DYSF: variants seen among roughly 807,000 people sequenced by gnomAD.
The protein encoded by DYSF is dysferlin.
Under a neutral mutation model 274.9 loss-of-function variants are expected in DYSF, and 212 were observed. The ratio of observed to expected loss-of-function variants is 0.77; its 90% CI spans 0.69 to 0.86. The LOEUF (loss-of-function observed/expected upper bound fraction) is 0.86. DYSF is among the 40% of genes least tolerant of loss of function. The pLI is 0.00. For missense variants in DYSF, 2,666 were observed against 2,783.2 expected (o/e 0.96, Z 0.95); for synonymous variants, 1,091 against 1,078.7 (o/e 1.01, Z -0.22).
intron 40 of DYSF, among the ~76,000 whole-genome samples, chr2:71,618,187 AGT>A (rs1558637977): frequency 1.9e-3 from 9 of 4,716 alleles, no homozygotes; most frequent in African/African-American, 6.7e-3. Flanking sequence ...GTGGGGTATA[AGT>A]GTGTGTGGTA....
rs886042389 is a variant in DYSF, at chr2:71,526,334, G to A, written c.1264G>A (p.Asp422Asn). 17 of 1,583,140 alleles carry A rather than the reference G, an allele frequency of 1.1e-5. No individual in the cohort carries two copies. Among genetic ancestry groups the A allele is most frequent in the Non-Finnish European group, 1.5e-5 (17 of 1,161,060 alleles). Residue 422 changes from aspartate to asparagine, a missense_variant, in exon 13 of 56, where the codon GAC becomes AAC. Transcript: ENST00000410020. ...CTGCCTGAAGGTCTTCCGGGCCGAG[G>A]ACTTGCCGCAGAGTGCGTGGGGCGC... ...HFCLKVFRAEDLPQMDDAVMD... is the reference protein window; with the variant it reads ...HFCLKVFRAENLPQMDDAVMD...
chr2:71,619,815 A>G (rs914928150), intron 40 of DYSF, among the ~76,000 whole-genome samples: 1 of 152,088 alleles, frequency 6.6e-6, no homozygotes, highest in Non-Finnish European at 1.5e-5. Context: ...AGAGTATCGT[A>G]GTGGTCTCTG....
At chr2:71,650,018 T>C (rs79287926) in intron 42 of DYSF, among the ~76,000 whole-genome samples, 2,017 of 152,332 alleles carry the variant, frequency 0.013, 30 homozygotes, top group African/African-American at 0.032. Context: ...TGCTAAATGG[T>C]ACAATTCCAA....
At chr2:71,504,944 C>T (rs536265760) in intron 4 of DYSF, among the ~76,000 whole-genome samples, 2 of 152,212 alleles carry the variant, frequency 1.3e-5, no homozygotes, top group Non-Finnish European at 2.9e-5. Flanking sequence ...GCTGGGGATT[C>T]CTGGCTGTCT....
chr2:71,478,906 C>G (rs987460024), intron 1 of DYSF, among the ~76,000 whole-genome samples: 2 of 152,080 alleles, frequency 1.3e-5, no homozygotes, highest in African/African-American at 4.8e-5. Context: ...CTCTCTGCTT[C>G]CCTCCTCCTC....
rs115838346 is a variant in DYSF, at chr2:71,580,704, G to A, written c.3402+6333G>A. On this transcript the variant is annotated intron_variant, in intron 30 of 55. Transcript: ENST00000410020. ...GAGCACCTGTTCTATACCTGGCATTGTGCTAGCATGGGCGGCTTGAGGGCT... is the reference window on the plus strand; with the variant it reads ...GAGCACCTGTTCTATACCTGGCATTATGCTAGCATGGGCGGCTTGAGGGCT... Among the ~76,000 whole-genome samples the A allele has an allele frequency of 1.4e-3, 220 of 152,310 alleles. 1 individual carries two copies. Among genetic ancestry groups the A allele is most frequent in the African/African-American group, 5.1e-3 (212 of 41,566 alleles).
chr2:71,601,435 CATG>C (rs1200729549), intron 34 of DYSF, 61 bp from the exon 35 acceptor site: 3 of 1,602,030 alleles, frequency 1.9e-6, no homozygotes, highest in Non-Finnish European at 2.6e-6. Flanking sequence ...CCATGAGTGT[CATG>C]AGGGTGATGG....
At chr2:71,496,487 C>T (rs1376451423) in intron 3 of DYSF, among the ~76,000 whole-genome samples, 1 of 152,114 alleles carries the variant, frequency 6.6e-6, no homozygotes, top group East Asian at 1.9e-4. Context: ...GGGGACTGGC[C>T]AGTTTGAATA....
chr2:71,463,489 G>A (rs2081370725), upstream of DYSF, among the ~76,000 whole-genome samples: 1 of 152,148 alleles, frequency 6.6e-6, no homozygotes, highest in Non-Finnish European at 1.5e-5. Context: ...GCTCCCACCT[G>A]TTCCCAGCCC....
chr2:71,568,204 G>C lies in DYSF; in HGVS notation c.2730G>C (p.Gly910=). 6.2e-7 allele frequency: 1 copy of C among 1,614,236 alleles called. No homozygotes were observed. Residue 910 remains glycine, a synonymous_variant, in exon 26 of 56, where the codon GGG becomes GGC. Transcript: ENST00000410020. ...YENETKLALV[G]NWGTTGLTYP... ...ACGAGACTAAGTTGGCCCTTGTTGG[G>C]AACTGGGGCACAACGGGCCTCACCT... is the stretch of plus-strand genomic sequence containing the variant.
At chr2:71,647,934 A>G (rs907533853) in intron 42 of DYSF, among the ~76,000 whole-genome samples, 1 of 152,216 alleles carries the variant, frequency 6.6e-6, no homozygotes, top group Admixed American at 6.5e-5. Context: ...GTTGAAGCTG[A>G]TGACAGAAGC....
At chr2:71,503,775 C>T (rs978879559) in intron 4 of DYSF, among the ~76,000 whole-genome samples, 1 of 151,724 alleles carries the variant, frequency 6.6e-6, no homozygotes, top group African/African-American at 2.4e-5. Context: ...CACCAGGACC[C>T]TCTTCCTTTT....
intron 13 of DYSF, among the ~76,000 whole-genome samples, chr2:71,527,930 T>C (rs2088155055): frequency 6.6e-6 from 1 of 152,246 alleles, no homozygotes; most frequent in Non-Finnish European, 1.5e-5. Context: ...AAGGAAAATG[T>C]CAACCAGGCA....
intron 3 of DYSF, among the ~76,000 whole-genome samples, chr2:71,488,252 C>T (rs1453463301): frequency 2.0e-5 from 3 of 152,002 alleles, no homozygotes; most frequent in Non-Finnish European, 4.4e-5. Context: ...GCTCTGTATG[C>T]AAAACATATC....
At chr2:71,653,197 T>C (rs967501448) in intron 42 of DYSF, among the ~76,000 whole-genome samples, 2 of 152,100 alleles carry the variant, frequency 1.3e-5, no homozygotes, top group African/African-American at 4.8e-5. Context: ...TAGGAACACT[T>C]TTACACTGTT....
rs1375446811 is a variant in DYSF at position 71,600,623 on chromosome 2, A to G, written c.3757-79A>G. Reference sequence around the variant, plus strand: ...AGGCCCTTTCTAGTTCAGAAGGCACATGTAGACCTGATCTCTCTGAGGCTC... The same window carrying G: ...AGGCCCTTTCTAGTTCAGAAGGCACGTGTAGACCTGATCTCTCTGAGGCTC... On this transcript the variant is annotated intron_variant, in intron 33 of 55. Coordinates refer to ENST00000410020, the MANE Select transcript of DYSF (RefSeq NM_001130987.2). The G allele has an allele frequency of 3.1e-6, 5 of 1,603,518 alleles. No individual in the cohort carries two copies. In the South Asian group the frequency reaches 5.5e-5, roughly 18 times the overall value.
intron 30 of DYSF, among the ~76,000 whole-genome samples, chr2:71,586,014 G>C (rs79663266): frequency 6.6e-6 from 1 of 152,092 alleles, no homozygotes; most frequent in Non-Finnish European, 1.5e-5. Flanking sequence ...GAGCAGGTAG[G>C]GGGTGTAGGG....
At chr2:71,562,397 C>T (rs536119146) in intron 23 of DYSF, among the ~76,000 whole-genome samples, 1 of 152,256 alleles carries the variant, frequency 6.6e-6, no homozygotes, top group East Asian at 1.9e-4. Context: ...GAACCCCAGG[C>T]CCAAGGAGGC....
chr2:71,561,764 T>C lies in DYSF; in HGVS notation c.2229T>C (p.Gly743=). ...CCGTCCCTCACAGCCAGCCTCTGGG[T>C]GACATCCATGAGACACCCTCTGCCA... ...ELIAGCSQPL[G]DIHETPSATH... Residue 743 remains glycine, a synonymous_variant, in exon 23 of 56, where the codon GGT becomes GGC. Coordinates refer to ENST00000410020, the MANE Select transcript of DYSF (RefSeq NM_001130987.2). 1 of 1,614,072 alleles carries C rather than the reference T, an allele frequency of 6.2e-7. No individual in the cohort carries two copies. The highest frequency in any genetic ancestry group is 1.1e-5 in the South Asian group (1 of 91,080).
Sources: allele counts gnomAD v4.1 joint callset (sites outside exome capture counted in the v4.1 genomes callset), GRCh38; gene constraint gnomAD v4.1.1; transcripts MANE v1.5; gene names NCBI Gene and HGNC (gene_info 2026-07-23, HGNC 2026-07-21).